ZWILCH: variants seen among roughly 807,000 people sequenced by gnomAD.
ZWILCH encodes the protein zwilch kinetochore protein.
In ZWILCH, 74 loss-of-function variants were observed where a neutral mutation model predicts 79.9. The observed-to-expected ratio is 0.93, with a 90% CI of 0.77 to 1.12. The LOEUF (loss-of-function observed/expected upper bound fraction) is 1.12, where lower values mean the gene tolerates loss of function less well. Ranked by LOEUF, ZWILCH falls within the 50% of genes most tolerant of loss-of-function variation. The pLI is 0.00. For synonymous variants in ZWILCH, 241 were observed against 228.2 expected, an observed-to-expected ratio of 1.06 and a Z score of -0.51; for missense variants, 694 against 687.5, an observed-to-expected ratio of 1.01 and a Z score of -0.11.
At chr15:66,513,652 A>C (rs1332208631) in intron 2 of ZWILCH, among the ~76,000 whole-genome samples, 2 of 151,652 alleles carry the variant, frequency 1.3e-5, no homozygotes, top group Admixed American at 1.3e-4. Context: ...GCTCACTGCA[A>C]GCCCCGCCTC....
chr15:66,530,013 T>G lies in ZWILCH; in HGVS notation c.1155+440T>G, dbSNP rs149943884. 1.9e-4 allele frequency among the ~76,000 whole-genome samples: 29 copies of G among 152,344 alleles called. 1 individual carries two copies. The East Asian group carries it at 5.4e-3, about 28-fold the overall frequency. The stretch of plus-strand genomic sequence containing the variant: ...TGAACCAATAATTCTTTTGTTAAGA[T>G]GTACCCTAAGCTCATACACATAAAT... On this transcript the variant is annotated intron_variant, in intron 12 of 18. Coordinates refer to ENST00000307897, the MANE Select transcript of ZWILCH (RefSeq NM_017975.5).
At chr15:66,517,017 A>T (rs1894287880) in intron 4 of ZWILCH, among the ~76,000 whole-genome samples, 2 of 152,166 alleles carry the variant, frequency 1.3e-5, no homozygotes, top group Admixed American at 6.5e-5. Flanking sequence ...TTTTGGAAGT[A>T]AAATCCCCTA....
rs375608651 is a variant in ZWILCH, at chr15:66,540,188, C to T, written c.1665C>T (p.Asp555=). The change falls in exon 17 of 19, where the codon GAC becomes GAT. Residue 555 remains aspartate (D), a synonymous_variant. Coordinates refer to ENST00000307897, the MANE Select transcript of ZWILCH (RefSeq NM_017975.5). Reference sequence around the variant, plus strand: ...AACTGAGTGACAGCTCACCCATAGACCATCTGAATTTTCACAAACCTGGTA... The same window carrying T: ...AACTGAGTGACAGCTCACCCATAGATCATCTGAATTTTCACAAACCTGGTA... ...VWQLSDSSPI[D]HLNFHKPDFS... The T allele has an allele frequency of 3.7e-6, 6 of 1,611,928 alleles. No homozygotes were observed. In the African/African-American group the frequency reaches 5.3e-5, roughly 14 times the overall value.
Position 66,547,603 on chromosome 15 carries a change from CAT to C in ZWILCH, c.*27-747_*27-746del, listed in dbSNP as rs1410905350. 3.3e-5 allele frequency: 5 copies of C among 151,856 alleles called. No individual in the cohort carries two copies. The East Asian group carries it at 7.8e-4, about 24-fold the overall frequency. The allele number at this position is 151,856 out of a possible 1,614,324, so 9.4% of individuals were successfully genotyped here. ...ACCTAGAAGATAAATAAAAAATAAA[CAT>C]GTAATATTTCTTTGAGGTATTTCAT... On this transcript the variant is annotated intron_variant, in intron 18 of 18. Coordinates refer to ENST00000307897, the MANE Select transcript of ZWILCH (RefSeq NM_017975.5).
chr15:66,525,965 C>T (rs1213520243), intron 8 of ZWILCH, among the ~76,000 whole-genome samples: 3 of 151,742 alleles, frequency 2.0e-5, no homozygotes, highest in African/African-American at 2.4e-5. Context: ...GGTTTCGCCA[C>T]GTTGGCCAGG....
At chr15:66,532,915 A>G in intron 13 of ZWILCH, 70 bp from the exon 14 acceptor site, 1 of 997,304 alleles carries the variant, frequency 1.0e-6, no homozygotes, top group Non-Finnish European at 1.4e-6. Context: ...AGAAATTTAA[A>G]TTAATTTCTA....
intron 8 of ZWILCH, among the ~76,000 whole-genome samples, chr15:66,526,799 T>G (rs2140779154): frequency 6.6e-6 from 1 of 152,336 alleles, no homozygotes; most frequent in South Asian, 2.1e-4. Flanking sequence ...AGATATTGTA[T>G]GTATGTGCAT....
At chr15:66,524,681 T>A (rs1166238371) in intron 8 of ZWILCH, 1 of 152,234 alleles carries the variant, frequency 6.6e-6, no homozygotes, top group African/African-American at 2.4e-5. Flanking sequence ...TCTCCTCTAC[T>A]AGATTTGAGT....
At chr15:66,537,068 G>C in intron 15 of ZWILCH, 100 bp from the exon 16 acceptor site, 1 of 754,916 alleles carries the variant, frequency 1.3e-6, no homozygotes, top group Admixed American at 2.4e-5. Flanking sequence ...TTAGTTAGTA[G>C]TACTCAATAA....
chr15:66,513,119 T>TA (rs903949503), intron 2 of ZWILCH, among the ~76,000 whole-genome samples: 4 of 152,076 alleles, frequency 2.6e-5, no homozygotes, highest in African/African-American at 4.8e-5. Context: ...TTAGTAGAGA[T>TA]AGAGTTTCCC....
At position 66,521,082 on chromosome 15, in the gene ZWILCH, C is replaced by CT. The variant is rs1265164080; in HGVS notation, c.627dup (p.Lys210Ter). 22 of 1,614,050 alleles carry CT rather than the reference C, an allele frequency of 1.4e-5. No individual in the cohort carries two copies. The highest frequency in any genetic ancestry group is 1.7e-5 in the Non-Finnish European group (20 of 1,180,044). The stretch of plus-strand genomic sequence containing the variant: ...CCAAAGGCTTTGCCCAGTATGAGCT[C>CT]TTTAAGTCCTCTGCCTTGGATGATA... On this transcript the variant is annotated frameshift_variant, in exon 7 of 19. Coordinates refer to ENST00000307897, the MANE Select transcript of ZWILCH (RefSeq NM_017975.5). LOFTEE classifies it high-confidence loss of function.
At chr15:66,529,330 C>A (rs1894788192) in intron 11 of ZWILCH, among the ~76,000 whole-genome samples, 164 bp from the exon 12 acceptor site, 1 of 146,764 alleles carries the variant, frequency 6.8e-6, no homozygotes, top group Non-Finnish European at 1.5e-5. Flanking sequence ...TTTAGAAATT[C>A]ATTAAATCTT....
In ZWILCH at chr15:66,525,243, G is replaced by T. The variant is rs189268269; in HGVS notation, c.819+1495G>T. ...GCTAGAAGCTGCCACTCTGCTGTGTGCCACCCATGGTGCTGGCTGGTTCAG... is the reference window on the plus strand; with the variant it reads ...GCTAGAAGCTGCCACTCTGCTGTGTTCCACCCATGGTGCTGGCTGGTTCAG... On this transcript the variant is annotated intron_variant, in intron 8 of 18. Coordinates refer to ENST00000307897, the MANE Select transcript of ZWILCH (RefSeq NM_017975.5). Among the ~76,000 whole-genome samples the T allele has an allele frequency of 1.5e-3, 234 of 152,304 alleles. 1 individual carries two copies. The highest frequency in any genetic ancestry group is 5.4e-3 in the African/African-American group (224 of 41,582).
At chr15:66,526,968 G>A (rs1005213360) in intron 8 of ZWILCH, among the ~76,000 whole-genome samples, 1 of 152,114 alleles carries the variant, frequency 6.6e-6, no homozygotes, top group South Asian at 2.1e-4. Flanking sequence ...ACCTATGCAC[G>A]TGGCATCATT....
At chr15:66,527,939 A>AT in intron 10 of ZWILCH, 27 bp downstream of exon 10, 1 of 1,556,688 alleles carries the variant, frequency 6.4e-7, no homozygotes, top group Middle Eastern at 1.7e-4. Context: ...AGTTAGAAAT[A>AT]TACACAGAAA....
At chr15:66,520,551 G>A (rs1567044068) in intron 5 of ZWILCH, 39 bp from the exon 6 acceptor site, 2 of 1,059,334 alleles carry the variant, frequency 1.9e-6, no homozygotes, top group East Asian at 2.5e-5. Context: ...ATGTAATTTT[G>A]AGTTGTGCCT....
intron 14 of ZWILCH, among the ~76,000 whole-genome samples, chr15:66,533,726 ACG>A (rs1384542559): frequency 2.0e-5 from 3 of 146,758 alleles, no homozygotes; most frequent in Admixed American, 6.8e-5. Context: ...ACACACACAC[ACG>A]CGCACACACA....
intron 17 of ZWILCH, among the ~76,000 whole-genome samples, chr15:66,544,872 T>C (rs1895320484): frequency 6.6e-6 from 1 of 151,422 alleles, no homozygotes; most frequent in Non-Finnish European, 1.5e-5. Flanking sequence ...GCCTCCCAAC[T>C]AGCTGGGATT....
chr15:66,509,902 C>G (rs929853906), intron 2 of ZWILCH, among the ~76,000 whole-genome samples: 9 of 132,148 alleles, frequency 6.8e-5, no homozygotes, highest in African/African-American at 1.9e-4. Flanking sequence ...GATGGCTGGG[C>G]ACGATGGCTC....
Sources: allele counts gnomAD v4.1 joint callset (sites outside exome capture counted in the v4.1 genomes callset), GRCh38; gene constraint gnomAD v4.1.1; transcripts MANE v1.5; gene names NCBI Gene and HGNC (gene_info 2026-07-23, HGNC 2026-07-21).